The following UROS variants were observed in gnomAD, a reference collection of about 807,000 sequenced individuals.
The protein encoded by UROS is uroporphyrinogen-III synthase.
A neutral mutation model predicts 33.0 loss-of-function variants in UROS; 18 were observed. That is an observed-to-expected ratio of 0.55 (90% confidence interval 0.38 to 0.81). The LOEUF (loss-of-function observed/expected upper bound fraction) is 0.81. Among genes scored for constraint, UROS ranks in the 30% least tolerant of loss-of-function variants. The probability of loss-of-function intolerance (pLI) is 0.00; values close to 1 mark genes in which losing one functional copy is unlikely to be tolerated. For synonymous variants in UROS, 114 were observed against 121.1 expected (o/e 0.94, Z 0.38); for missense variants, 293 against 314.9 (o/e 0.93, Z 0.53).
At chr10:125,800,593 A>G (rs1302092962) in intron 6 of UROS, among the ~76,000 whole-genome samples, 4 of 138,054 alleles carry the variant, frequency 2.9e-5, no homozygotes, top group African/African-American at 1.1e-4. Flanking sequence ...ACGGAGTCTC[A>G]CTCTTTCACC....
Position 125,810,395 on chromosome 10 carries a change from A to G in UROS, c.319+1819T>C, listed in dbSNP as rs78615430. 2.2e-4 allele frequency among the ~76,000 whole-genome samples: 33 copies of G among 152,322 alleles called. No individual in the cohort carries two copies. The East Asian group carries it at 6.4e-3, about 29-fold the overall frequency. ...GGCCCATGTGAGTGAGCTGGGAAGC[A>G]GATCTTCTGAGGCCACTGACAGCTA... On this transcript the variant is annotated intron_variant, in intron 5 of 9. Coordinates refer to ENST00000368797, the MANE Select transcript of UROS (RefSeq NM_000375.3).
At chr10:125,822,045 C>G (rs1273395770) in intron 1 of UROS, among the ~76,000 whole-genome samples, 1 of 152,144 alleles carries the variant, frequency 6.6e-6, no homozygotes, top group Non-Finnish European at 1.5e-5. Context: ...ACAGAAGCAG[C>G]CTATTAGCGC....
intron 6 of UROS, 61 bp from the exon 7 acceptor site, chr10:125,798,206 G>A (rs1254929538): frequency 1.9e-6 from 3 of 1,568,696 alleles, no homozygotes; most frequent in African/African-American, 2.7e-5. Flanking sequence ...ACAGGGGAAT[G>A]GGGAGGGGCA....
chr10:125,812,584 A>C (rs907408793), intron 4 of UROS, among the ~76,000 whole-genome samples: 4 of 152,248 alleles, frequency 2.6e-5, no homozygotes, highest in Non-Finnish European at 5.9e-5. Flanking sequence ...CATAACTTGA[A>C]GAATTAATCT....
intron 1 of UROS, among the ~76,000 whole-genome samples, chr10:125,816,991 A>G (rs990347391): frequency 6.6e-6 from 1 of 152,370 alleles, no homozygotes; most frequent in East Asian, 1.9e-4. Context: ...GTCAAGTATC[A>G]TAAGAGAGTC....
At chr10:125,787,429 T>G (rs1426920009), downstream of UROS, among the ~76,000 whole-genome samples, 1 of 152,246 alleles carries the variant, frequency 6.6e-6, no homozygotes, top group East Asian at 1.9e-4. Flanking sequence ...CTGATCACAC[T>G]CCAGCTATGG....
At chr10:125,819,478 C>G (rs1361909329) in intron 1 of UROS, among the ~76,000 whole-genome samples, 1 of 152,172 alleles carries the variant, frequency 6.6e-6, no homozygotes, top group African/African-American at 2.4e-5. Context: ...TCGCTTTCTT[C>G]TGCTGGAGGC....
At chr10:125,818,788 T>C (rs938995612) in intron 1 of UROS, among the ~76,000 whole-genome samples, 2 of 152,178 alleles carry the variant, frequency 1.3e-5, no homozygotes, top group Non-Finnish European at 1.5e-5. Flanking sequence ...GTTGGCTTTT[T>C]TGATGGACTT....
chr10:125,793,519 T>A (rs1230237743), intron 9 of UROS: 3 of 152,178 alleles, frequency 2.0e-5, no homozygotes, highest in Non-Finnish European at 4.4e-5. Flanking sequence ...ATGGGTCCTA[T>A]CTCTTTAATT....
At chr10:125,816,716 G>A (rs146167028) in intron 1 of UROS, 191 bp from the exon 2 acceptor site, 108 of 617,534 alleles carry the variant, frequency 1.7e-4, no homozygotes, top group African/African-American at 1.7e-3. Flanking sequence ...GGCCAAGAAA[G>A]AGCATGTTAG....
intron 7 of UROS, among the ~76,000 whole-genome samples, chr10:125,797,586 A>G (rs146787667): frequency 6.6e-6 from 1 of 152,236 alleles, no homozygotes; most frequent in Non-Finnish European, 1.5e-5. Context: ...AGCATGCTTC[A>G]GAGGCAAGAA....
In UROS at chr10:125,788,829, C is replaced by T; in HGVS notation, c.*39G>A. On this transcript the variant is annotated 3_prime_UTR_variant, in exon 10 of 10. Transcript: ENST00000368797. ...CTGGCTCCATCCAGAGCCAGCCCAG[C>T]CCAGGGAGGCTGCATGGGGCCAGCG... is the stretch of plus-strand genomic sequence containing the variant. 6.4e-7 allele frequency: 1 copy of T among 1,552,582 alleles called. No individual in the cohort carries two copies.
At chr10:125,794,010 C>G (rs953731552) in intron 9 of UROS, 4 of 152,164 alleles carry the variant, frequency 2.6e-5, no homozygotes, top group Non-Finnish European at 5.9e-5. Flanking sequence ...ACCTCTTTTT[C>G]TGGATACCCA....
At chr10:125,789,222 A>G (rs1469245236) in intron 9 of UROS, 2 of 1,438,994 alleles carry the variant, frequency 1.4e-6, no homozygotes, top group African/African-American at 2.8e-5. Context: ...TGCCACCCTG[A>G]GCGACTGTCG....
At chr10:125,795,585 C>A (rs1008010347) in intron 8 of UROS, among the ~76,000 whole-genome samples, 3 of 152,202 alleles carry the variant, frequency 2.0e-5, no homozygotes, top group Admixed American at 2.0e-4. Context: ...TCAATCCAGA[C>A]TCCTTGGTGG....
intron 5 of UROS, 70 bp from the exon 6 acceptor site, chr10:125,807,557 T>G: frequency 7.9e-7 from 1 of 1,265,262 alleles, no homozygotes; most frequent in Non-Finnish European, 1.2e-6. Context: ...CGTTATTTTT[T>G]AACGTGCAAA....
chr10:125,806,109 T>C (rs1349435390), intron 6 of UROS, among the ~76,000 whole-genome samples: 1 of 152,032 alleles, frequency 6.6e-6, no homozygotes, highest in Non-Finnish European at 1.5e-5. Flanking sequence ...AAATATAAGC[T>C]AGAGAACCTT....
At chr10:125,793,281 G>C (rs543641114) in intron 9 of UROS, 1 of 149,392 alleles carries the variant, frequency 6.7e-6, no homozygotes, top group Non-Finnish European at 1.5e-5. Context: ...ACACTAAGAA[G>C]CTTGGGGAAA....
chr10:125,811,659 C>T (rs1011841122), intron 5 of UROS, among the ~76,000 whole-genome samples: 9 of 152,178 alleles, frequency 5.9e-5, no homozygotes, highest in Admixed American at 2.0e-4. Flanking sequence ...AACAAAGTTA[C>T]AGGCTAATTT....
Sources: allele counts gnomAD v4.1 joint callset (sites outside exome capture counted in the v4.1 genomes callset), GRCh38; gene constraint gnomAD v4.1.1; transcripts MANE v1.5; gene names NCBI Gene and HGNC (gene_info 2026-07-23, HGNC 2026-07-21).